Variants in CFB observed in about 807,000 individuals in gnomAD.
CFB encodes complement factor B, also known as B-factor, properdin.
In CFB, 59 loss-of-function variants were observed where a neutral mutation model predicts 97.2. The ratio of observed to expected loss-of-function variants is 0.61; its 90% CI spans 0.49 to 0.75. The LOEUF (loss-of-function observed/expected upper bound fraction) is 0.75. Ranked by LOEUF, CFB falls within the 30% of genes least tolerant of loss-of-function variation. CFB has a pLI of 0.00. For synonymous variants in CFB, 316 were observed against 351.7 expected (o/e 0.90, Z 1.14); for missense variants, 771 against 959.8 (o/e 0.80, Z 2.60).
chr6:31,948,571 G>C, intron 7 of CFB, 59 bp downstream of exon 7: 2 of 1,609,562 alleles, frequency 1.2e-6, no homozygotes, highest in African/African-American at 1.3e-5. Flanking sequence ...CAGGGTGGAG[G>C]GGGTCATGAG....
chr6:31,947,009 A>G lies in CFB; in HGVS notation c.301A>G (p.Ile101Val), dbSNP rs980506964. 14 of 1,612,826 alleles carry G rather than the reference A, an allele frequency of 8.7e-6. No individual in the cohort carries two copies. Among genetic ancestry groups the G allele is most frequent in the East Asian group, 4.5e-5 (2 of 44,854 alleles). ...KTVRKAECRA[I>V]HCPRPHDFEN... ...CTACTTGTCCCCCCTTCTCAAAGCAATCCACTGTCCAAGACCACACGACTT... is the reference window on the plus strand; with the variant it reads ...CTACTTGTCCCCCCTTCTCAAAGCAGTCCACTGTCCAAGACCACACGACTT... Residue 101 changes from isoleucine (I) to valine (V), a missense_variant and splice_region_variant, in exon 3 of 18, where the codon ATC becomes GTC. Transcript: ENST00000425368. This position sits in a 1 kb window ranked among gnomAD's most constrained non-coding sequence, Gnocchi z 5.3.
chr6:31,947,905 C>G lies in CFB; in HGVS notation c.761-40C>G, dbSNP rs755016338. 2.1e-5 allele frequency: 34 copies of G among 1,614,176 alleles called. No homozygotes were observed. The South Asian group carries it at 3.7e-4, about 18-fold the overall frequency. ...GGGGGAAAATGGAGAAGGGACAGAA[C>G]TGTTAATGCTGGAGCCTGAGCCACT... On this transcript the variant is annotated intron_variant, in intron 5 of 17. Coordinates refer to ENST00000425368, the MANE Select transcript of CFB (RefSeq NM_001710.6). The surrounding 1 kb of genome is among the most constrained non-coding windows in gnomAD (Gnocchi z 5.3).
chr6:31,947,136 G>A lies in CFB; in HGVS notation c.428G>A (p.Arg143His), dbSNP rs559980890. The change falls in exon 3 of 18, where the codon CGC (arginine) becomes CAC (histidine). Residue 143 changes from arginine (R) to histidine (H), a missense_variant. By Grantham distance (29) the Arg-to-His change is conservative. Transcript: ENST00000425368. This position sits in a 1 kb window ranked among gnomAD's most constrained non-coding sequence, Gnocchi z 5.3. Reference protein sequence around the residue: ...DGYTLRGSANRTCQVNGRWSG... With the variant: ...DGYTLRGSANHTCQVNGRWSG... ...TACACTCTCCGGGGCTCTGCCAATCGCACCTGCCAAGTGAATGGCCGATGG... is the reference window on the plus strand; with the variant it reads ...TACACTCTCCGGGGCTCTGCCAATCACACCTGCCAAGTGAATGGCCGATGG... The A allele has an allele frequency of 4.3e-6, 7 of 1,612,986 alleles. No homozygotes were observed. Among genetic ancestry groups the A allele is most frequent in the East Asian group, 2.2e-5 (1 of 44,866 alleles).
chr6:31,947,998 T>G lies in CFB; in HGVS notation c.814T>G (p.Tyr272Asp). 1 of 1,614,178 alleles carries G rather than the reference T, an allele frequency of 6.2e-7. No homozygotes were observed. The highest frequency in any genetic ancestry group is 1.3e-5 in the African/African-American group (1 of 75,032). ...VLDPSGSMNI[Y>D]LVLDGSDSIG... ...GGACCCTTCAGGCTCCATGAACATC[T>G]ACCTGGTGCTAGATGGATCAGACAG... Residue 272 changes from tyrosine to aspartate, a missense_variant, in exon 6 of 18, where the codon TAC (tyrosine) becomes GAC (aspartate). By Grantham distance (160) the Tyr-to-Asp change is radical. Coordinates refer to ENST00000425368, the MANE Select transcript of CFB (RefSeq NM_001710.6). This position sits in a 1 kb window ranked among gnomAD's most constrained non-coding sequence, Gnocchi z 5.3.
chr6:31,948,921 C>A lies in CFB; in HGVS notation c.1128C>A (p.Gly376=). The A allele has an allele frequency of 6.2e-7, 1 of 1,612,830 alleles. No homozygotes were observed. The highest frequency in any genetic ancestry group is 8.5e-7 in the Non-Finnish European group (1 of 1,179,966). Residue 376 remains glycine (G), a synonymous_variant, in exon 8 of 18, where the codon GGC becomes GGA. Transcript: ENST00000425368. ...MSWPDDVPPE[G]WNRTRHVIIL... ...GGCCAGATGACGTCCCTCCTGAAGG[C>A]TGGAACCGCACCCGCCATGTCATCA...
chr6:31,950,621 G>A lies in CFB; in HGVS notation c.1627G>A (p.Gly543Arg), dbSNP rs1366389145. 8 of 1,612,878 alleles carry A rather than the reference G, an allele frequency of 5.0e-6. No homozygotes were observed. The highest frequency in any genetic ancestry group is 6.8e-6 in the Non-Finnish European group (8 of 1,180,026). ...KEHSIKVSVG[G>R]EKRDLEIEVV... ...TGGTACCTACTCTCCTACTTCAGGA[G>A]GGGAGAAGCGGGACCTGGAGATAGA... is the stretch of plus-strand genomic sequence containing the variant. The change falls in exon 13 of 18, where the codon GGG (glycine) becomes AGG (arginine). Residue 543 changes from glycine to arginine, a missense_variant and splice_region_variant. Coordinates refer to ENST00000425368, the MANE Select transcript of CFB (RefSeq NM_001710.6).
chr6:31,948,393 A>G lies in CFB; in HGVS notation c.917A>G (p.Lys306Arg), dbSNP rs374738591. 63 of 1,614,114 alleles carry G rather than the reference A, an allele frequency of 3.9e-5. No individual in the cohort carries two copies. Among genetic ancestry groups the G allele is most frequent in the Non-Finnish European group, 5.3e-5 (62 of 1,180,052 alleles). The change falls in exon 7 of 18, where the codon AAG (lysine) becomes AGG (arginine). Residue 306 changes from lysine (K) to arginine (R), a missense_variant. Lys to Arg is a conservative substitution (Grantham distance 26). Coordinates refer to ENST00000425368, the MANE Select transcript of CFB (RefSeq NM_001710.6). Reference protein sequence around the residue: ...LIEKVASYGVKPRYGLVTYAT... With the variant: ...LIEKVASYGVRPRYGLVTYAT... The stretch of plus-strand genomic sequence containing the variant: ...CCACAGGTGGCAAGTTATGGTGTGA[A>G]GCCAAGATATGGTCTAGTGACATAT...
chr6:31,949,970 C>A, intron 10 of CFB, 80 bp from the exon 11 acceptor site: 1 of 1,375,394 alleles, frequency 7.3e-7, no homozygotes, highest in Non-Finnish European at 1.0e-6. Context: ...CTTTGCTCCC[C>A]ATAGACTCCT....
At position 31,951,157 on chromosome 6, in the gene CFB, C is replaced by T. The variant is rs151133501; in HGVS notation, c.1869C>T (p.Leu623=). 1.1e-5 allele frequency: 18 copies of T among 1,612,846 alleles called. No homozygotes were observed. The highest frequency in any genetic ancestry group is 2.7e-5 in the African/African-American group (2 of 74,900). The change falls in exon 15 of 18, where the codon CTC becomes CTT. Residue 623 remains leucine (L), a synonymous_variant. Transcript: ENST00000425368. This position sits in a 1 kb window ranked among gnomAD's most constrained non-coding sequence, Gnocchi z 4.3. ...CTATTCGTCCAGAGGAAGAGCTGCT[C>T]CCTGCACAGGATATCAAAGCTCTGT... The part of the protein sequence containing the change: ...TTCQQQKEEL[L]PAQDIKALFV...
rs1056609547 is a variant in CFB, at chr6:31,947,583, C to T, written c.658+62C>T. 8.1e-6 allele frequency: 13 copies of T among 1,601,672 alleles called. No homozygotes were observed. In the Admixed American group the frequency reaches 2.2e-4, roughly 27 times the overall value. ...TCTTCCATCCTACTGTCTTCTCTCC[C>T]CACCTCAACCCTGCTCTTTCCTCAC... is the stretch of plus-strand genomic sequence containing the variant. On this transcript the variant is annotated intron_variant, in intron 4 of 17. Coordinates refer to ENST00000425368, the MANE Select transcript of CFB (RefSeq NM_001710.6). The surrounding 1 kb of genome is among the most constrained non-coding windows in gnomAD (Gnocchi z 5.3).
chr6:31,950,832 G>A, intron 13 of CFB, 36 bp from the exon 14 acceptor site: 1 of 1,612,972 alleles, frequency 6.2e-7, no homozygotes, highest in Non-Finnish European at 8.5e-7. Context: ...GGGGTGAGGA[G>A]CAGGCCTGGT....
In CFB at chr6:31,947,199, A is replaced by G; in HGVS notation, c.484+7A>G. The G allele has an allele frequency of 1.9e-6, 3 of 1,612,688 alleles. No homozygotes were observed. Among genetic ancestry groups the G allele is most frequent in the Non-Finnish European group, 2.5e-6 (3 of 1,179,986 alleles). On this transcript the variant is annotated splice_region_variant and intron_variant, in intron 3 of 17. Coordinates refer to ENST00000425368, the MANE Select transcript of CFB (RefSeq NM_001710.6). This position sits in a 1 kb window ranked among gnomAD's most constrained non-coding sequence, Gnocchi z 5.3. ...GCGATCTGTGACAACGGAGGTGAGA[A>G]GCATCCCCTCCCCCTACATTGCTGT...
rs775716041 is a variant in CFB at position 31,950,084 on chromosome 6, T to C, written c.1443T>C (p.Val481=). 7 of 1,613,058 alleles carry C rather than the reference T, an allele frequency of 4.3e-6. No homozygotes were observed. In the East Asian group the frequency reaches 1.3e-4, roughly 31 times the overall value. ...AGTCTCTGAGTCTCTGTGGCATGGT[T>C]TGGGAACACAGGAAGGGTACCGATT... is the stretch of plus-strand genomic sequence containing the variant. ...ESQSLSLCGM[V]WEHRKGTDYH... The change falls in exon 11 of 18, where the codon GTT becomes GTC. Residue 481 remains valine, a synonymous_variant. Transcript: ENST00000425368.
At position 31,946,690 on chromosome 6, in the gene CFB, C is replaced by A; in HGVS notation, c.298+84C>A. 1 of 1,313,472 alleles carries A rather than the reference C, an allele frequency of 7.6e-7. No individual in the cohort carries two copies. 81.4% of individuals were successfully genotyped at this position (1,313,472 alleles called of 1,614,324 possible). The stretch of plus-strand genomic sequence containing the variant: ...AGGTCAGGACTAGGATGAGACTAGG[C>A]AGGGTGACAAGGTGGGCTGACCGGG... On this transcript the variant is annotated intron_variant, in intron 2 of 17. Transcript: ENST00000425368. The surrounding 1 kb of genome is among the most constrained non-coding windows in gnomAD (Gnocchi z 6.4).
At position 31,947,059 on chromosome 6, in the gene CFB, G is replaced by A. The variant is rs752243836; in HGVS notation, c.351G>A (p.Arg117=). 2 of 1,612,816 alleles carry A rather than the reference G, an allele frequency of 1.2e-6. No homozygotes were observed. The highest frequency in any genetic ancestry group is 2.7e-5 in the African/African-American group (2 of 74,860). ...HDFENGEYWP[R]SPYYNVSDEI... ...TCGAGAACGGGGAATACTGGCCCCGGTCTCCCTACTACAATGTGAGTGATG... is the reference window on the plus strand; with the variant it reads ...TCGAGAACGGGGAATACTGGCCCCGATCTCCCTACTACAATGTGAGTGATG... The change falls in exon 3 of 18, where the codon CGG becomes CGA. Residue 117 remains arginine, a synonymous_variant. Coordinates refer to ENST00000425368, the MANE Select transcript of CFB (RefSeq NM_001710.6). The surrounding 1 kb of genome is among the most constrained non-coding windows in gnomAD (Gnocchi z 5.3).
rs771390681 is a variant in CFB at position 31,951,311 on chromosome 6, A to G, written c.1957-30A>G. On this transcript the variant is annotated intron_variant, in intron 15 of 17. Coordinates refer to ENST00000425368, the MANE Select transcript of CFB (RefSeq NM_001710.6). The surrounding 1 kb of genome is among the most constrained non-coding windows in gnomAD (Gnocchi z 4.3). Reference sequence around the variant, plus strand: ...CCTTCCTAAGCCACTTCTGTTCATTACTTCTCCATGCTTCCCACCTCCCCT... The same window carrying G: ...CCTTCCTAAGCCACTTCTGTTCATTGCTTCTCCATGCTTCCCACCTCCCCT... 1 of 1,614,004 alleles carries G rather than the reference A, an allele frequency of 6.2e-7. No individual in the cohort carries two copies. The highest frequency in any genetic ancestry group is 1.1e-5 in the South Asian group (1 of 91,078).
intron 12 of CFB, 68 bp downstream of exon 12, chr6:31,950,471 G>A: frequency 1.3e-6 from 2 of 1,564,272 alleles, no homozygotes; most frequent in Non-Finnish European, 1.8e-6. Context: ...ACTTTCTACA[G>A]ATCCTACACT....
chr6:31,946,359 G>A lies in CFB; in HGVS notation c.65-14G>A. The A allele has an allele frequency of 6.2e-7, 1 of 1,613,004 alleles. No homozygotes were observed. The highest frequency in any genetic ancestry group is 8.5e-7 in the Non-Finnish European group (1 of 1,180,004). On this transcript the variant is annotated splice_polypyrimidine_tract_variant and intron_variant, in intron 1 of 17. Coordinates refer to ENST00000425368, the MANE Select transcript of CFB (RefSeq NM_001710.6). This position sits in a 1 kb window ranked among gnomAD's most constrained non-coding sequence, Gnocchi z 6.4. ...GGCCTTTTGGGGCCAGGCTTCATCA[G>A]CCTTTCTCTTCAGGTGTGACCACCA...
chr6:31,948,593 G>A (rs1771577121), intron 7 of CFB, 81 bp downstream of exon 7: 4 of 1,597,658 alleles, frequency 2.5e-6, no homozygotes, highest in Non-Finnish European at 3.4e-6. Flanking sequence ...CTACCTTGAG[G>A]GCGACAGGGA....
Sources: allele counts gnomAD v4.1 joint callset, GRCh38; gene constraint gnomAD v4.1.1; non-coding constraint Gnocchi (gnomAD v3.1); transcripts MANE v1.5; gene names NCBI Gene and HGNC (gene_info 2026-07-23, HGNC 2026-07-21).